Variants in IGSF3 observed in about 807,000 individuals in gnomAD.
The protein encoded by IGSF3 is immunoglobulin superfamily member 3.
In IGSF3, 23 loss-of-function variants were observed where a neutral mutation model predicts 114.4. The observed-to-expected ratio is 0.20, with a 90% CI of 0.14 to 0.28. IGSF3 has a LOEUF of 0.28. Ranked by LOEUF, IGSF3 falls within the 10% of genes least tolerant of loss-of-function variation. The pLI is 1.00. For missense variants in IGSF3, 1,172 were observed against 1,591.5 expected, an observed-to-expected ratio of 0.74 and a Z score of 4.48; for synonymous variants, 571 against 645.2, an observed-to-expected ratio of 0.88 and a Z score of 1.74.
rs1660761195 is a variant in IGSF3, at chr1:116,605,500, G to GC, written c.1223-1476_1223-1475insG. Among the ~76,000 whole-genome samples, 2 of 152,142 alleles carry GC rather than the reference G, an allele frequency of 1.3e-5. No homozygotes were observed. Among genetic ancestry groups the GC allele is most frequent in the Admixed American group, 1.3e-4 (2 of 15,272 alleles). On this transcript the variant is annotated intron_variant, in intron 5 of 10. Coordinates refer to ENST00000369486, the MANE Select transcript of IGSF3 (RefSeq NM_001007237.3). The surrounding 1 kb of genome is among the most constrained non-coding windows in gnomAD (Gnocchi z 5.1). Reference sequence around the variant, plus strand: ...TCATACCAGGATGATTCATAGAGATGATCAGGCTCCTGAACAGTCACCATC... The same window carrying GC: ...TCATACCAGGATGATTCATAGAGATGCATCAGGCTCCTGAACAGTCACCATC...
intron 2 of IGSF3, among the ~76,000 whole-genome samples, chr1:116,660,449 A>C (rs1649062005): frequency 6.7e-6 from 1 of 149,194 alleles, no homozygotes; most frequent in Non-Finnish European, 1.5e-5. Flanking sequence ...TACAGCAGTG[A>C]GCCACCACAC....
In IGSF3 at chr1:116,664,013, G is replaced by T. The variant is rs112615570; in HGVS notation, c.43+2271C>A. ...ACATCAGAAGACAAGCAGGAAATAA[G>T]ACCCCAACATGGGTTTTGCTCCCTC... On this transcript the variant is annotated intron_variant, in intron 2 of 10. Coordinates refer to ENST00000369486, the MANE Select transcript of IGSF3 (RefSeq NM_001007237.3). The surrounding 1 kb of genome is among the most constrained non-coding windows in gnomAD (Gnocchi z 4.6). 6.9e-3 allele frequency among the ~76,000 whole-genome samples: 1,049 copies of T among 152,282 alleles called. 14 individuals are homozygous for T. The highest frequency in any genetic ancestry group is 0.023 in the African/African-American group (966 of 41,554).
chr1:116,637,973 T>C (rs1013470332), intron 2 of IGSF3, among the ~76,000 whole-genome samples: 6 of 152,224 alleles, frequency 3.9e-5, no homozygotes, highest in Non-Finnish European at 7.3e-5. Flanking sequence ...TGCTTAGGGA[T>C]GGGGACTGCT....
intron 5 of IGSF3, among the ~76,000 whole-genome samples, chr1:116,606,719 T>A (rs536506002): frequency 6.6e-6 from 1 of 152,326 alleles, no homozygotes; most frequent in Admixed American, 6.5e-5. Flanking sequence ...AGTCCGTGGT[T>A]AAGGCAAGCA....
chr1:116,599,862 G>T, intron 7 of IGSF3, 79 bp downstream of exon 7: 1 of 1,296,588 alleles, frequency 7.7e-7, no homozygotes, highest in Non-Finnish European at 1.1e-6. Flanking sequence ...GACGCTAAGG[G>T]CTCCACGCAC....
In IGSF3 at chr1:116,610,828, C is replaced by T. The variant is rs926709497; in HGVS notation, c.833-2497G>A. 1.6e-4 allele frequency among the ~76,000 whole-genome samples: 25 copies of T among 152,220 alleles called. No individual in the cohort carries two copies. Among genetic ancestry groups the T allele is most frequent in the African/African-American group, 2.7e-4 (11 of 41,444 alleles). Reference sequence around the variant, plus strand: ...CCCCAGACCCCTGTGTCTGAGGACCCACTGGGTGTTTCGCATACTGAGCAT... The same window carrying T: ...CCCCAGACCCCTGTGTCTGAGGACCTACTGGGTGTTTCGCATACTGAGCAT... On this transcript the variant is annotated intron_variant, in intron 4 of 10. Coordinates refer to ENST00000369486, the MANE Select transcript of IGSF3 (RefSeq NM_001007237.3). This position sits in a 1 kb window ranked among gnomAD's most constrained non-coding sequence, Gnocchi z 4.3.
At position 116,657,998 on chromosome 1, in the gene IGSF3, G is replaced by C. The variant is rs531421754; in HGVS notation, c.43+8286C>G. Among the ~76,000 whole-genome samples, 1 of 151,416 alleles carries C rather than the reference G, an allele frequency of 6.6e-6. No individual in the cohort carries two copies. The highest frequency in any genetic ancestry group is 2.4e-5 in the African/African-American group (1 of 41,312). ...CTCATTTCTCCGAGTTCACAGTTTT[G>C]TTAGAATGTCTTTGCTCTGATTATG... On this transcript the variant is annotated intron_variant, in intron 2 of 10. Coordinates refer to ENST00000369486, the MANE Select transcript of IGSF3 (RefSeq NM_001007237.3). The surrounding 1 kb of genome is among the most constrained non-coding windows in gnomAD (Gnocchi z 4.2).
rs1647453691 is a variant in IGSF3 at position 116,629,349 on chromosome 1, C to G, written c.44-12892G>C. Among the ~76,000 whole-genome samples, 1 of 152,266 alleles carries G rather than the reference C, an allele frequency of 6.6e-6. No individual in the cohort carries two copies. The highest frequency in any genetic ancestry group is 2.4e-5 in the African/African-American group (1 of 41,540). On this transcript the variant is annotated intron_variant, in intron 2 of 10. Coordinates refer to ENST00000369486, the MANE Select transcript of IGSF3 (RefSeq NM_001007237.3). This position sits in a 1 kb window ranked among gnomAD's most constrained non-coding sequence, Gnocchi z 4.3. ...ACTGGGCTAGTATATTTAAAAAACG[C>G]TAAAGGGAGGTGGGGTAATAAGGGA...
chr1:116,579,009 T>G lies in IGSF3; in HGVS notation c.3334+383A>C, dbSNP rs1659472984. Among the ~76,000 whole-genome samples, 1 of 152,202 alleles carries G rather than the reference T, an allele frequency of 6.6e-6. No homozygotes were observed. Among genetic ancestry groups the G allele is most frequent in the Non-Finnish European group, 1.5e-5 (1 of 68,046 alleles). On this transcript the variant is annotated intron_variant, in intron 10 of 10. Transcript: ENST00000369486. The surrounding 1 kb of genome is among the most constrained non-coding windows in gnomAD (Gnocchi z 6.4). ...GACAGTGAGGTAGTCAGCCTTCATT[T>G]TTTTCCCTTTCCCTTGTGAGTCTGA...
chr1:116,666,569 G>T lies in IGSF3; in HGVS notation c.-243C>A, dbSNP rs561009839. 8.3e-6 allele frequency: 5 copies of T among 599,244 alleles called. No individual in the cohort carries two copies. In the African/African-American group the frequency reaches 9.3e-5, roughly 11 times the overall value. 37.1% of individuals were successfully genotyped at this position (599,244 alleles called of 1,614,324 possible). ...AAGGGTCCACAACAATTCGGAAGTC[G>T]CTCCCGGCTCCTGCCACATCGTGTG... On this transcript the variant is annotated 5_prime_UTR_variant, in exon 2 of 11. Coordinates refer to ENST00000369486, the MANE Select transcript of IGSF3 (RefSeq NM_001007237.3).
chr1:116,663,563 C>T (rs928332837), intron 2 of IGSF3, among the ~76,000 whole-genome samples: 3 of 151,048 alleles, frequency 2.0e-5, no homozygotes, highest in African/African-American at 7.3e-5. Flanking sequence ...CAGAAGGAAA[C>T]AACACACAGA....
chr1:116,622,072 T>C (rs1447180469), intron 2 of IGSF3, among the ~76,000 whole-genome samples: 1 of 152,222 alleles, frequency 6.6e-6, no homozygotes, highest in African/African-American at 2.4e-5. Flanking sequence ...ATCCAACTTA[T>C]ATGTTCAAGA....
In IGSF3 at chr1:116,595,543, G is replaced by A. The variant is rs534488127; in HGVS notation, c.2029+4398C>T. 7.9e-5 allele frequency among the ~76,000 whole-genome samples: 12 copies of A among 152,272 alleles called. No homozygotes were observed. Among genetic ancestry groups the A allele is most frequent in the East Asian group, 5.8e-4 (3 of 5,176 alleles). On this transcript the variant is annotated intron_variant, in intron 7 of 10. Transcript: ENST00000369486. The surrounding 1 kb of genome is among the most constrained non-coding windows in gnomAD (Gnocchi z 4.2). ...CAGCAATAAGAAATAGAAGAAAACC[G>A]ATTTGGCAACATCCAGAGGGTATTA...
In IGSF3 at chr1:116,642,477, C is replaced by T. The variant is rs963314327; in HGVS notation, c.43+23807G>A. 6.6e-6 allele frequency among the ~76,000 whole-genome samples: 1 copy of T among 152,070 alleles called. No homozygotes were observed. On this transcript the variant is annotated intron_variant, in intron 2 of 10. Transcript: ENST00000369486. The surrounding 1 kb of genome is among the most constrained non-coding windows in gnomAD (Gnocchi z 5.4). Reference sequence around the variant, plus strand: ...CAGGCACTGGGAGTCGGTCAGGGCTCCCAGAATGTAAAAGATACACATGAA... The same window carrying T: ...CAGGCACTGGGAGTCGGTCAGGGCTTCCAGAATGTAAAAGATACACATGAA...
rs547351074 is a variant in IGSF3 at position 116,586,222 on chromosome 1, T to A, written c.2441-1170A>T. On this transcript the variant is annotated intron_variant, in intron 8 of 10. Coordinates refer to ENST00000369486, the MANE Select transcript of IGSF3 (RefSeq NM_001007237.3). Reference sequence around the variant, plus strand: ...ACAACATTCATGATTACTTTTGTAATTAAAAAGTCAGAAAATATAAAATAA... The same window carrying A: ...ACAACATTCATGATTACTTTTGTAAATAAAAAGTCAGAAAATATAAAATAA... Among the ~76,000 whole-genome samples the A allele has an allele frequency of 9.2e-4, 140 of 152,354 alleles. 2 individuals carry two copies. Among genetic ancestry groups the A allele is most frequent in the African/African-American group, 3.3e-3 (136 of 41,574 alleles).
In IGSF3 at chr1:116,662,243, G is replaced by GT. The variant is rs1250378530; in HGVS notation, c.43+4040dup. Among the ~76,000 whole-genome samples the GT allele has an allele frequency of 6.6e-6, 1 of 151,952 alleles. No homozygotes were observed. Among genetic ancestry groups the GT allele is most frequent in the African/African-American group, 2.4e-5 (1 of 41,362 alleles). Reference sequence around the variant, plus strand: ...GTGCCACCATGCTCGGCTAATTTTTGTATTTTTAGTACAGACGGTGTTTCA... The same window carrying GT: ...GTGCCACCATGCTCGGCTAATTTTTGTTATTTTTAGTACAGACGGTGTTTCA... On this transcript the variant is annotated intron_variant, in intron 2 of 10. Transcript: ENST00000369486. The surrounding 1 kb of genome is among the most constrained non-coding windows in gnomAD (Gnocchi z 4.3).
In IGSF3 at chr1:116,615,621, T is replaced by G. The variant is rs369729604; in HGVS notation, c.421+459A>C. On this transcript the variant is annotated intron_variant, in intron 3 of 10. Coordinates refer to ENST00000369486, the MANE Select transcript of IGSF3 (RefSeq NM_001007237.3). This position sits in a 1 kb window ranked among gnomAD's most constrained non-coding sequence, Gnocchi z 4.3. ...TCCTTACGCATGGAGCCAAAGGACC[T>G]TCAATGTACAAGGTCTGAGCAAGGA... 3.9e-4 allele frequency among the ~76,000 whole-genome samples: 59 copies of G among 152,282 alleles called. No homozygotes were observed. The East Asian group carries it at 0.01, about 26-fold the overall frequency.
intron 2 of IGSF3, among the ~76,000 whole-genome samples, chr1:116,635,250 C>A (rs538714728): frequency 4.6e-5 from 7 of 152,284 alleles, no homozygotes; most frequent in African/African-American, 1.4e-4. Context: ...TTGACCAAGC[C>A]CTTGAGTCAC....
chr1:116,643,586 G>A (rs143190189), intron 2 of IGSF3, among the ~76,000 whole-genome samples: 80 of 152,346 alleles, frequency 5.3e-4, no homozygotes, highest in South Asian at 1.5e-3. Context: ...TCCCAGTCCC[G>A]TGAGGTCCTC....
Sources: allele counts gnomAD v4.1 joint callset (sites outside exome capture counted in the v4.1 genomes callset), GRCh38; gene constraint gnomAD v4.1.1; non-coding constraint Gnocchi (gnomAD v3.1); transcripts MANE v1.5; gene names NCBI Gene and HGNC (gene_info 2026-07-23, HGNC 2026-07-21).